The following PPP1R12B variants were observed in gnomAD, a reference collection of about 807,000 sequenced individuals.
PPP1R12B encodes the protein myosin phosphatase target subunit 2.
In PPP1R12B, 76 loss-of-function variants were observed where a neutral mutation model predicts 126.1. The ratio of observed to expected loss-of-function variants is 0.60; its 90% confidence interval spans 0.50 to 0.73. PPP1R12B has a LOEUF of 0.73. Among genes scored for constraint, PPP1R12B ranks in the 30% least tolerant of loss-of-function variants. The probability of loss-of-function intolerance (pLI) is 0.00; values close to 1 mark genes in which losing one functional copy is unlikely to be tolerated. For synonymous variants in PPP1R12B, 356 were observed against 434.7 expected, an observed-to-expected ratio of 0.82 and a Z score of 2.25; for missense variants, 1,052 against 1,205.1, an observed-to-expected ratio of 0.87 and a Z score of 1.88.
intron 5 of PPP1R12B, among the ~76,000 whole-genome samples, chr1:202,427,667 CA>C (rs1030671894): frequency 1.3e-5 from 2 of 152,140 alleles, no homozygotes; most frequent in Admixed American, 6.5e-5. Flanking sequence ...ATTTTTGAGA[CA>C]GAGTCTCGCT....
Position 202,434,637 on chromosome 1 carries a change from C to A in PPP1R12B, c.1142-19C>A, listed in dbSNP as rs112179010. On this transcript the variant is annotated intron_variant, in intron 8 of 23. Transcript: ENST00000608999. ...ATTTTTATACTAGTACTTGTTAATT[C>A]TCTTGTCTTAAATAACAGATAAAAA... is the stretch of plus-strand genomic sequence containing the variant. The A allele has an allele frequency of 1.4e-4, 217 of 1,600,378 alleles. No homozygotes were observed. In the African/African-American group the frequency reaches 2.0e-3, roughly 15 times the overall value.
chr1:202,378,393 T>G (rs1477640899), intron 1 of PPP1R12B, among the ~76,000 whole-genome samples: 2 of 152,112 alleles, frequency 1.3e-5, no homozygotes, highest in African/African-American at 4.8e-5. Context: ...AAACCCACTC[T>G]GCTACTTTGC....
rs767402530 is a variant in PPP1R12B at position 202,590,301 on chromosome 1, A to G, written c.*9741A>G. 6.6e-6 allele frequency: 1 copy of G among 151,040 alleles called. No homozygotes were observed. The highest frequency in any genetic ancestry group is 1.5e-5 in the Non-Finnish European group (1 of 67,876). The allele number at this position is 151,040 out of a possible 1,614,324, so 9.4% of individuals were successfully genotyped here. A position where few individuals can be genotyped will look rare whatever the true frequency, so the allele number is the denominator to read the frequency against. On this transcript the variant is annotated 3_prime_UTR_variant, in exon 24 of 24. Coordinates refer to ENST00000608999, the MANE Select transcript of PPP1R12B (RefSeq NM_002481.4). ...CCCGCCCCGCCCAGCCTCCCAGACA[A>G]TGTTCCCCGGCACCACCACACTCCC...
intron 10 of PPP1R12B, chr1:202,438,710 G>A (rs1398924292): frequency 9.3e-6 from 6 of 647,872 alleles, no homozygotes; most frequent in African/African-American, 5.4e-5. Context: ...CAAGGGCCAG[G>A]TGGTTACCGT....
At chr1:202,492,647 A>ATGTTGT in intron 14 of PPP1R12B, among the ~76,000 whole-genome samples, 1 of 152,280 alleles carries the variant, frequency 6.6e-6, no homozygotes, top group East Asian at 1.9e-4. Context: ...TTAAGAGGTT[A>ATGTTGT]TGTTGTTGTT....
chr1:202,496,621 T>A (rs1300684391), intron 17 of PPP1R12B, among the ~76,000 whole-genome samples, 160 bp from the exon 18 acceptor site: 1 of 152,248 alleles, frequency 6.6e-6, no homozygotes, highest in East Asian at 1.9e-4. Context: ...CTGCCTGTGA[T>A]GGCTGTGAAA....
intron 18 of PPP1R12B, among the ~76,000 whole-genome samples, chr1:202,522,632 A>G (rs1682891953): frequency 6.6e-6 from 1 of 152,170 alleles, no homozygotes; most frequent in African/African-American, 2.4e-5. Flanking sequence ...AAATTAATCT[A>G]CAAAGCCAGA....
rs1454593567 is a variant in PPP1R12B, at chr1:202,580,802, C to T, written c.*242C>T. ...TAATTGAAGCATGATTGTGGTAATT[C>T]GAGCCATCTGGAGAATGCTCTGGGG... On this transcript the variant is annotated 3_prime_UTR_variant, in exon 24 of 24. Transcript: ENST00000608999. 1.3e-5 allele frequency: 6 copies of T among 452,732 alleles called. No individual in the cohort carries two copies. Among genetic ancestry groups the T allele is most frequent in the African/African-American group, 4.0e-5 (2 of 50,510 alleles). 28.0% of individuals were successfully genotyped at this position (452,732 alleles called of 1,614,324 possible).
intron 1 of PPP1R12B, among the ~76,000 whole-genome samples, chr1:202,416,073 G>A (rs1367037970): frequency 6.6e-6 from 1 of 152,116 alleles, no homozygotes; most frequent in African/African-American, 2.4e-5. Flanking sequence ...ATAAGCATCT[G>A]CGACAAATAG....
At chr1:202,404,903 T>G (rs1039511694) in intron 1 of PPP1R12B, among the ~76,000 whole-genome samples, 7 of 152,224 alleles carry the variant, frequency 4.6e-5, no homozygotes, top group African/African-American at 1.7e-4. Context: ...TCATTTTATA[T>G]TAGAGATTAT....
At chr1:202,575,211 AAGCTCTG>A in intron 23 of PPP1R12B, 1 of 1,525,540 alleles carries the variant, frequency 6.6e-7, no homozygotes, top group Non-Finnish European at 8.8e-7. Context: ...TTAGTCCCAG[AAGCTCTG>A]TGCTCATCCC....
chr1:202,524,303 A>G (rs572199498), intron 18 of PPP1R12B, among the ~76,000 whole-genome samples: 150 of 152,346 alleles, frequency 9.8e-4, no homozygotes, highest in Admixed American at 2.4e-3. Flanking sequence ...GTTGCCATCA[A>G]CTGACATGGG....
intron 18 of PPP1R12B, among the ~76,000 whole-genome samples, chr1:202,511,378 G>A (rs556465258): frequency 1.1e-3 from 165 of 151,740 alleles, no homozygotes; most frequent in African/African-American, 3.3e-3. Flanking sequence ...CACCATGCCC[G>A]GCTAATTTTT....
At chr1:202,496,212 A>G (rs1215904846) in intron 17 of PPP1R12B, among the ~76,000 whole-genome samples, 1 of 152,262 alleles carries the variant, frequency 6.6e-6, no homozygotes, top group African/African-American at 2.4e-5. Context: ...TTTAAAATAA[A>G]GACAGATATG....
In PPP1R12B at chr1:202,416,932, G is replaced by A. The variant is rs753089944; in HGVS notation, c.422+15G>A. 32 of 1,609,770 alleles carry A rather than the reference G, an allele frequency of 2.0e-5. No individual in the cohort carries two copies. Among genetic ancestry groups the A allele is most frequent in the Non-Finnish European group, 2.7e-5 (32 of 1,177,626 alleles). On this transcript the variant is annotated intron_variant, in intron 2 of 23. Transcript: ENST00000608999. ...AACATAGCAGAGTGAGTGAGTCTCT[G>A]TGTGTGTGGCTTTGTAGTATTTGTA...
intron 15 of PPP1R12B, 134 bp downstream of exon 15, chr1:202,493,451 T>C: frequency 2.0e-6 from 2 of 1,018,560 alleles, no homozygotes; most frequent in Non-Finnish European, 2.8e-6. Flanking sequence ...CTGTCTTTAG[T>C]TTGCAAACCT....
chr1:202,466,830 T>C (rs1285944290), intron 13 of PPP1R12B, among the ~76,000 whole-genome samples: 12 of 152,184 alleles, frequency 7.9e-5, no homozygotes, highest in Admixed American at 7.9e-4. Flanking sequence ...TTCTTTCCTC[T>C]AGCCTTAAAA....
Position 202,437,929 on chromosome 1 carries a change from G to C in PPP1R12B, c.1363G>C (p.Ala455Pro), listed in dbSNP as rs753275810. ...TGSHNMLSEV[A>P]NSREPIRDRG... ...CAGCCACAACATGCTGAGTGAGGTGGCCAATTCCAGGGAACCTATAAGGGA... is the reference window on the plus strand; with the variant it reads ...CAGCCACAACATGCTGAGTGAGGTGCCCAATTCCAGGGAACCTATAAGGGA... The change falls in exon 10 of 24, where the codon GCC (alanine) becomes CCC (proline). Residue 455 changes from alanine (A) to proline (P), a missense_variant. Transcript: ENST00000608999. 1.2e-6 allele frequency: 2 copies of C among 1,614,056 alleles called. No homozygotes were observed. The highest frequency in any genetic ancestry group is 1.7e-6 in the Non-Finnish European group (2 of 1,179,962).
Position 202,544,397 on chromosome 1 carries a change from G to GATTACTGA in PPP1R12B, c.2491-14480_2491-14479insATTACTGA, listed in dbSNP as rs1685443230. ...TTTTTAAATTATCCTAAAAGTAAGA[G>GATTACTGA]CCAGGTAATCTTTGGTCAGTATTCT... is the stretch of plus-strand genomic sequence containing the variant. On this transcript the variant is annotated intron_variant, in intron 18 of 23. Transcript: ENST00000608999. Among the ~76,000 whole-genome samples, 6 of 152,244 alleles carry GATTACTGA rather than the reference G, an allele frequency of 3.9e-5. 1 individual carries two copies. The highest frequency in any genetic ancestry group is 1.4e-4 in the African/African-American group (6 of 41,548).
Sources: gnomAD v4.1 joint callset for allele counts (sites outside exome capture counted in the v4.1 genomes callset) on GRCh38, gnomAD v4.1.1 for gene constraint, MANE v1.5 for transcripts, NCBI Gene and HGNC (gene_info 2026-07-23, HGNC 2026-07-21) for gene names.